The following LHFPL3 variants were observed in gnomAD, a reference collection of about 807,000 sequenced individuals.
LHFPL3 encodes LHFPL tetraspan subfamily member 3, also known as LHFPL tetraspan subfamily member 3 protein.
In LHFPL3, 5 loss-of-function variants were observed where a neutral mutation model predicts 19.3. The observed-to-expected ratio is 0.26, with a 90% CI of 0.14 to 0.54. The LOEUF (loss-of-function observed/expected upper bound fraction) is 0.54, where lower values mean the gene tolerates loss of function less well. Among genes scored for constraint, LHFPL3 ranks in the 20% least tolerant of loss-of-function variants. The pLI, the probability that LHFPL3 is intolerant of heterozygous loss-of-function variation, is 0.94. For missense variants in LHFPL3, 249 were observed against 307.4 expected (o/e 0.81, Z 1.42); for synonymous variants, 133 against 126.2 (o/e 1.05, Z -0.36).
intron 1 of LHFPL3, among the ~76,000 whole-genome samples, chr7:104,555,258 AT>A (rs1271933582): frequency 1.3e-5 from 2 of 152,246 alleles, no homozygotes; most frequent in Non-Finnish European, 2.9e-5. Flanking sequence ...ATTAGCCCTC[AT>A]TAATGGGATT....
Position 104,328,835 on chromosome 7 carries a change from A to T in LHFPL3, c.56A>T (p.Gln19Leu). 1 of 1,613,678 alleles carries T rather than the reference A, an allele frequency of 6.2e-7. No individual in the cohort carries two copies. The highest frequency in any genetic ancestry group is 1.1e-5 in the South Asian group (1 of 91,070). ...GCCGCCGCCGCGATGCTCCCGGCTC[A>T]GGAGGCTGCCAAGCTGTACCACACC... Reference protein sequence around the residue: ...AAAAAAMLPAQEAAKLYHTNY... With the variant: ...AAAAAAMLPALEAAKLYHTNY... Residue 19 changes from glutamine to leucine, a missense_variant, in exon 1 of 3, where the codon CAG (glutamine) becomes CTG (leucine). Transcript: ENST00000424859. The surrounding 1 kb of genome is among the most constrained non-coding windows in gnomAD (Gnocchi z 4.6).
At chr7:104,585,480 A>AACAAACACACACAC (rs1790552028) in intron 1 of LHFPL3, among the ~76,000 whole-genome samples, 1 of 123,362 alleles carries the variant, frequency 8.1e-6, no homozygotes, top group Non-Finnish European at 1.7e-5. Context: ...AACACACACA[A>AACAAACACACACAC]ACACACACAC....
chr7:104,339,605 G>A (rs187662093), intron 1 of LHFPL3, among the ~76,000 whole-genome samples: 3 of 152,270 alleles, frequency 2.0e-5, no homozygotes, highest in East Asian at 1.9e-4. Context: ...CCAATGTAAC[G>A]TCCATTTCTT....
At position 104,567,940 on chromosome 7, in the gene LHFPL3, T is replaced by C. The variant is rs552113283; in HGVS notation, c.446-168735T>C. 3.9e-5 allele frequency among the ~76,000 whole-genome samples: 6 copies of C among 152,278 alleles called. No homozygotes were observed. In the South Asian group the frequency reaches 1.0e-3, roughly 26 times the overall value. The stretch of plus-strand genomic sequence containing the variant: ...AGACCCCAATGCACGTCTACTGCTC[T>C]CTCAGTCAAGTTTCGGGGCACCAAC... On this transcript the variant is annotated intron_variant, in intron 1 of 2. Coordinates refer to ENST00000424859, the MANE Select transcript of LHFPL3 (RefSeq NM_199000.3).
intron 1 of LHFPL3, among the ~76,000 whole-genome samples, chr7:104,653,256 G>A (rs908342722): frequency 2.0e-5 from 3 of 152,200 alleles, no homozygotes; most frequent in South Asian, 2.1e-4. Flanking sequence ...TCAAAGTTTG[G>A]TCAAAGAGAG....
chr7:104,330,833 T>C (rs1220331817), intron 1 of LHFPL3, among the ~76,000 whole-genome samples: 1 of 152,172 alleles, frequency 6.6e-6, no homozygotes, highest in Non-Finnish European at 1.5e-5. Flanking sequence ...AATTCATGTA[T>C]TATGGCTGTT....
At chr7:104,502,938 T>A (rs917462841) in intron 1 of LHFPL3, among the ~76,000 whole-genome samples, 1 of 152,320 alleles carries the variant, frequency 6.6e-6, no homozygotes, top group Non-Finnish European at 1.5e-5. Context: ...ACACTGTCAG[T>A]GATAGTATAA....
chr7:104,332,093 C>G (rs933172187), intron 1 of LHFPL3, among the ~76,000 whole-genome samples: 3 of 151,950 alleles, frequency 2.0e-5, no homozygotes, highest in African/African-American at 7.3e-5. Context: ...CCTTAGTGTA[C>G]TATTTGCTTA....
intron 1 of LHFPL3, among the ~76,000 whole-genome samples, chr7:104,699,752 A>G (rs1482785972): frequency 2.6e-5 from 4 of 152,212 alleles, no homozygotes; most frequent in Non-Finnish European, 5.9e-5. Flanking sequence ...TTTCCCCAGC[A>G]TCCCCTCGCA....
At chr7:104,422,642 G>A (rs868123058) in intron 1 of LHFPL3, among the ~76,000 whole-genome samples, 1 of 152,134 alleles carries the variant, frequency 6.6e-6, no homozygotes, top group Non-Finnish European at 1.5e-5. Flanking sequence ...TGTGACTTGC[G>A]CAAGTTACTT....
intron 2 of LHFPL3, among the ~76,000 whole-genome samples, chr7:104,829,423 G>A (rs192482951): frequency 1.8e-4 from 27 of 151,710 alleles, no homozygotes; most frequent in Admixed American, 1.4e-3. Context: ...TTGGTGTGCT[G>A]CACCCATTAA....
chr7:104,816,347 A>C (rs1374068317), intron 2 of LHFPL3, among the ~76,000 whole-genome samples: 1 of 152,234 alleles, frequency 6.6e-6, no homozygotes, highest in Non-Finnish European at 1.5e-5. Flanking sequence ...CCAGGATTTG[A>C]GGCTCTGCAC....
intron 2 of LHFPL3, among the ~76,000 whole-genome samples, chr7:104,823,389 A>G (rs1414312097): frequency 2.0e-5 from 3 of 152,122 alleles, no homozygotes; most frequent in Non-Finnish European, 2.9e-5. Context: ...GGACCAGGTG[A>G]TCTCTTAAGG....
At position 104,810,958 on chromosome 7, in the gene LHFPL3, C is replaced by T. The variant is rs563046547; in HGVS notation, c.682+74047C>T. Reference sequence around the variant, plus strand: ...TGTAGATGCCAAAATAAACTGGCAGCTCAGGATTAATGCTCTGTCCTTCCC... The same window carrying T: ...TGTAGATGCCAAAATAAACTGGCAGTTCAGGATTAATGCTCTGTCCTTCCC... On this transcript the variant is annotated intron_variant, in intron 2 of 2. Coordinates refer to ENST00000424859, the MANE Select transcript of LHFPL3 (RefSeq NM_199000.3). Among the ~76,000 whole-genome samples, 18 of 152,294 alleles carry T rather than the reference C, an allele frequency of 1.2e-4. No individual in the cohort carries two copies. The South Asian group carries it at 3.7e-3, about 32-fold the overall frequency.
At chr7:104,352,462 C>G (rs951147763) in intron 1 of LHFPL3, among the ~76,000 whole-genome samples, 1 of 152,124 alleles carries the variant, frequency 6.6e-6, no homozygotes, top group Non-Finnish European at 1.5e-5. Flanking sequence ...TAAAGCAGGT[C>G]TTTAATAGAT....
chr7:104,868,864 G>A (rs1791780710), intron 2 of LHFPL3, among the ~76,000 whole-genome samples: 1 of 152,126 alleles, frequency 6.6e-6, no homozygotes, highest in Non-Finnish European at 1.5e-5. Context: ...CATGGTACTG[G>A]TACCAAAACA....
chr7:104,681,033 G>A (rs1410012530), intron 1 of LHFPL3, among the ~76,000 whole-genome samples: 1 of 151,994 alleles, frequency 6.6e-6, no homozygotes, highest in Non-Finnish European at 1.5e-5. Flanking sequence ...AACAGATTGT[G>A]TTAAATGAGA....
rs575408687 is a variant in LHFPL3, at chr7:104,363,746, G to C, written c.445+34522G>C. Among the ~76,000 whole-genome samples the C allele has an allele frequency of 4.6e-5, 7 of 152,342 alleles. No individual in the cohort carries two copies. The South Asian group carries it at 1.4e-3, about 32-fold the overall frequency. ...GGGACTGCATATAGCAGAGGGAAGA[G>C]GGCCTGGTGAAGCAGCCTCTTAAAG... is the stretch of plus-strand genomic sequence containing the variant. On this transcript the variant is annotated intron_variant, in intron 1 of 2. Transcript: ENST00000424859.
intron 1 of LHFPL3, among the ~76,000 whole-genome samples, chr7:104,658,334 C>A (rs1486465349): frequency 2.6e-5 from 4 of 152,086 alleles, no homozygotes; most frequent in Non-Finnish European, 5.9e-5. Context: ...CTGTATTTTT[C>A]TTTTCTTTCT....
Sources: allele counts gnomAD v4.1 joint callset (sites outside exome capture counted in the v4.1 genomes callset), GRCh38; gene constraint gnomAD v4.1.1; non-coding constraint Gnocchi (gnomAD v3.1); transcripts MANE v1.5; gene names NCBI Gene and HGNC (gene_info 2026-07-23, HGNC 2026-07-21).